Variants in LRP1B observed in about 807,000 individuals in gnomAD.
The protein encoded by LRP1B is low-density lipoprotein receptor-related protein 1B.
In LRP1B, 217 loss-of-function variants were observed where a neutral mutation model predicts 556.6. The ratio of observed to expected loss-of-function variants is 0.39; its 90% CI spans 0.35 to 0.44. LRP1B has a LOEUF of 0.44. Ranked by LOEUF, LRP1B falls within the 20% of genes least tolerant of loss-of-function variation. The pLI, the probability that LRP1B is intolerant of heterozygous loss-of-function variation, is 1.00. For synonymous variants in LRP1B, 2,047 were observed against 1,865.8 expected, an observed-to-expected ratio of 1.10 and a Z score of -2.50; for missense variants, 5,053 against 5,620.8, an observed-to-expected ratio of 0.90 and a Z score of 3.23.
intron 2 of LRP1B, among the ~76,000 whole-genome samples, chr2:141,547,972 A>G (rs148303788): frequency 1.3e-5 from 2 of 152,274 alleles, no homozygotes; most frequent in Non-Finnish European, 2.9e-5. Flanking sequence ...GTTGGGTGAC[A>G]GTGGCAGAGA....
intron 41 of LRP1B, among the ~76,000 whole-genome samples, chr2:140,651,134 A>C (rs1456383509): frequency 6.6e-6 from 1 of 152,076 alleles, no homozygotes; most frequent in African/African-American, 2.4e-5. Flanking sequence ...ACATTCCAGG[A>C]AACACCAGAA....
Position 140,850,239 on chromosome 2 carries a change from G to A in LRP1B, c.4802C>T (p.Thr1601Ile), listed in dbSNP as rs2105118000. ...AGTAACGTCATCAATATCAGGGACT[G>A]TAAATGCCGTGATGAAGTTAAAGTA... ...NPYFNFITAF[T>I]VPDIDDVTVI... is the part of the protein sequence containing the mutation. The change falls in exon 29 of 91, where the codon ACA becomes ATA. Residue 1601 changes from threonine to isoleucine, a missense_variant. Thr to Ile is a moderately conservative substitution (Grantham distance 89). This residue lies in a region of LRP1B where 3,619 missense variants were observed against 3,931.9 expected (regional missense o/e 0.92). Transcript: ENST00000389484. The A allele has an allele frequency of 4.3e-6, 7 of 1,612,972 alleles. No individual in the cohort carries two copies. The highest frequency in any genetic ancestry group is 5.9e-6 in the Non-Finnish European group (7 of 1,179,060).
intron 23 of LRP1B, among the ~76,000 whole-genome samples, chr2:140,892,765 T>C (rs1227944894): frequency 6.6e-6 from 1 of 152,112 alleles, no homozygotes; most frequent in Admixed American, 6.6e-5. Flanking sequence ...CTTGAGTGTA[T>C]TGATATGGTA....
At position 141,956,209 on chromosome 2, in the gene LRP1B, T is replaced by C. The variant is rs144117029; in HGVS notation, c.83-145808A>G. 5.5e-4 allele frequency among the ~76,000 whole-genome samples: 84 copies of C among 152,230 alleles called. 1 individual carries two copies. Among genetic ancestry groups the C allele is most frequent in the African/African-American group, 2.0e-3 (82 of 41,568 alleles). ...CCACAGGTATTGCACCTATTTAATTTCCACCAGGAGTATGAATGAATTCCG... is the reference window on the plus strand; with the variant it reads ...CCACAGGTATTGCACCTATTTAATTCCCACCAGGAGTATGAATGAATTCCG... On this transcript the variant is annotated intron_variant, in intron 1 of 90. Coordinates refer to ENST00000389484, the MANE Select transcript of LRP1B (RefSeq NM_018557.3).
At chr2:140,648,520 G>T (rs1186774302) in intron 41 of LRP1B, among the ~76,000 whole-genome samples, 1 of 152,044 alleles carries the variant, frequency 6.6e-6, no homozygotes, top group Non-Finnish European at 1.5e-5. Flanking sequence ...AGAATGTGAG[G>T]AGGGGTGGGG....
chr2:140,487,496 A>T, intron 58 of LRP1B, 121 bp downstream of exon 58: 1 of 884,602 alleles, frequency 1.1e-6, no homozygotes, highest in Non-Finnish European at 1.7e-6. Context: ...TACAAATGTG[A>T]AATTGAAACC....
intron 32 of LRP1B, among the ~76,000 whole-genome samples, chr2:140,790,707 C>T (rs1690085573): frequency 6.6e-6 from 1 of 152,122 alleles, no homozygotes; most frequent in South Asian, 2.1e-4. Context: ...CAGGATGTAG[C>T]CTTGGTTTCC....
Position 140,914,520 on chromosome 2 carries a change from T to C in LRP1B, c.3320-6443A>G, listed in dbSNP as rs138784855. Among the ~76,000 whole-genome samples, 389 of 152,156 alleles carry C rather than the reference T, an allele frequency of 2.6e-3. 3 individuals carry two copies. The highest frequency in any genetic ancestry group is 9.0e-3 in the African/African-American group (372 of 41,538). On this transcript the variant is annotated intron_variant, in intron 21 of 90. Coordinates refer to ENST00000389484, the MANE Select transcript of LRP1B (RefSeq NM_018557.3). ...AAATGGGTTGGAAGTGGGAAGTAAATGTCAGTGGCGGAAATTTTGGAGTCC... is the reference window on the plus strand; with the variant it reads ...AAATGGGTTGGAAGTGGGAAGTAAACGTCAGTGGCGGAAATTTTGGAGTCC...
chr2:141,261,024 T>A (rs1464061391), intron 3 of LRP1B, among the ~76,000 whole-genome samples: 1 of 152,190 alleles, frequency 6.6e-6, no homozygotes, highest in Admixed American at 6.5e-5. Context: ...CTGTTTTTTA[T>A]GCTTGAAGAT....
At position 142,078,578 on chromosome 2, in the gene LRP1B, C is replaced by G. The variant is rs1464400372; in HGVS notation, c.82+52070G>C. ...CCTCTCTCTTCCTCAGTTTCCTGCC[C>G]TGTACAGCGGGTAAAACAATCTATG... is the stretch of plus-strand genomic sequence containing the variant. On this transcript the variant is annotated intron_variant, in intron 1 of 90. Coordinates refer to ENST00000389484, the MANE Select transcript of LRP1B (RefSeq NM_018557.3). Among the ~76,000 whole-genome samples, 3 of 152,144 alleles carry G rather than the reference C, an allele frequency of 2.0e-5. No individual in the cohort carries two copies. The East Asian group carries it at 5.8e-4, about 29-fold the overall frequency.
chr2:140,479,446 C>G (rs1482857453), intron 59 of LRP1B, among the ~76,000 whole-genome samples: 1 of 152,010 alleles, frequency 6.6e-6, no homozygotes, highest in Non-Finnish European at 1.5e-5. Flanking sequence ...CAAATAGTAC[C>G]TATTCTGCGA....
At chr2:141,581,797 G>T (rs1218226097) in intron 2 of LRP1B, among the ~76,000 whole-genome samples, 1 of 151,934 alleles carries the variant, frequency 6.6e-6, no homozygotes, top group Non-Finnish European at 1.5e-5. Context: ...CCAAACATTT[G>T]TGTCCTACAA....
intron 1 of LRP1B, among the ~76,000 whole-genome samples, chr2:142,037,960 C>A (rs533365073): frequency 6.6e-6 from 1 of 151,546 alleles, no homozygotes; most frequent in Admixed American, 6.6e-5. Flanking sequence ...TGATAGAAGG[C>A]GCCACCTAAC....
chr2:140,310,523 G>A (rs902454304), intron 83 of LRP1B, among the ~76,000 whole-genome samples: 3 of 150,260 alleles, frequency 2.0e-5, no homozygotes, highest in Admixed American at 6.7e-5. Flanking sequence ...ATAACCAAAA[G>A]AGCATGGTTC....
At chr2:141,785,544 G>T (rs1695403256) in intron 2 of LRP1B, among the ~76,000 whole-genome samples, 1 of 151,592 alleles carries the variant, frequency 6.6e-6, no homozygotes, top group Non-Finnish European at 1.5e-5. Flanking sequence ...AGATGTGAAA[G>T]GACTAAACAA....
intron 25 of LRP1B, among the ~76,000 whole-genome samples, chr2:140,877,394 A>C (rs975253681): frequency 6.6e-6 from 1 of 152,178 alleles, no homozygotes; most frequent in Admixed American, 6.6e-5. Context: ...CCACCTAGGA[A>C]TAAAACATCA....
intron 2 of LRP1B, among the ~76,000 whole-genome samples, chr2:141,539,112 T>C (rs1413144049): frequency 6.6e-6 from 1 of 152,172 alleles, no homozygotes; most frequent in Non-Finnish European, 1.5e-5. Context: ...AAATTATCAA[T>C]GATTTATGTG....
At chr2:141,958,899 A>C (rs1341579950) in intron 1 of LRP1B, among the ~76,000 whole-genome samples, 1 of 151,960 alleles carries the variant, frequency 6.6e-6, no homozygotes, top group Non-Finnish European at 1.5e-5. Flanking sequence ...AAAATCATGC[A>C]TTCTTGATTT....
In LRP1B at chr2:141,842,261, T is replaced by C. The variant is rs1413813577; in HGVS notation, c.83-31860A>G. On this transcript the variant is annotated intron_variant, in intron 1 of 90. Transcript: ENST00000389484. Reference sequence around the variant, plus strand: ...CTAATTATCAACTTACATATTTGTGTTTCTTATTAGGTTAATTTAAAAGGT... The same window carrying C: ...CTAATTATCAACTTACATATTTGTGCTTCTTATTAGGTTAATTTAAAAGGT... 1.3e-5 allele frequency among the ~76,000 whole-genome samples: 2 copies of C among 152,102 alleles called. 1 individual carries two copies. The highest frequency in any genetic ancestry group is 4.1e-4 in the South Asian group (2 of 4,826).
Sources: gnomAD v4.1 joint callset for allele counts (sites outside exome capture counted in the v4.1 genomes callset) on GRCh38, gnomAD v4.1.1 for gene constraint, gnomAD v4.1.1 regional missense constraint, MANE v1.5 for transcripts, NCBI Gene and HGNC (gene_info 2026-07-23, HGNC 2026-07-21) for gene names.